CEP85L: variants seen among roughly 807,000 people sequenced by gnomAD.
CEP85L encodes centrosomal protein of 85 kDa-like.
A neutral mutation model predicts 100.3 loss-of-function variants in CEP85L; 60 were observed. The ratio of observed to expected loss-of-function variants is 0.60; its 90% CI spans 0.49 to 0.74. The LOEUF (loss-of-function observed/expected upper bound fraction) is 0.74. CEP85L is among the 30% of genes least tolerant of loss of function. The pLI is 0.00. For missense variants in CEP85L, 973 were observed against 936.2 expected (o/e 1.04, Z -0.51); for synonymous variants, 319 against 322.7 (o/e 0.99, Z 0.12).
intron 2 of CEP85L, among the ~76,000 whole-genome samples, chr6:118,574,877 T>C (rs1237332892): frequency 2.0e-5 from 3 of 152,096 alleles, no homozygotes; most frequent in Non-Finnish European, 4.4e-5. Context: ...AGGGTAGCTT[T>C]CCTGTCGAGG....
At chr6:118,558,689 GGAGA>G (rs1339733111) in intron 3 of CEP85L, 3 of 307,886 alleles carry the variant, frequency 9.7e-6, no homozygotes, top group East Asian at 1.1e-4. Context: ...AGAGAGAGAG[GGAGA>G]GAGACTATAG....
At chr6:118,606,861 C>A (rs1332715095) in intron 2 of CEP85L, among the ~76,000 whole-genome samples, 1 of 152,120 alleles carries the variant, frequency 6.6e-6, no homozygotes, top group East Asian at 1.9e-4. Context: ...TTAATCAAAA[C>A]TTTACAGAGG....
At chr6:118,627,918 T>C (rs1191891737) in intron 2 of CEP85L, among the ~76,000 whole-genome samples, 1 of 151,984 alleles carries the variant, frequency 6.6e-6, no homozygotes, top group Non-Finnish European at 1.5e-5. Flanking sequence ...TAAAGGGAAA[T>C]ACCCAACTAA....
chr6:118,668,842 G>A (rs1776210042), intron 1 of CEP85L, among the ~76,000 whole-genome samples: 1 of 152,126 alleles, frequency 6.6e-6, no homozygotes, highest in Non-Finnish European at 1.5e-5. Context: ...CATGTTGAAT[G>A]GCTGCTTCTT....
chr6:118,663,605 G>T (rs1254332533), intron 1 of CEP85L, among the ~76,000 whole-genome samples: 2 of 152,136 alleles, frequency 1.3e-5, no homozygotes, highest in African/African-American at 4.8e-5. Context: ...AAAATGATGA[G>T]ATGCATTCTT....
At chr6:118,560,170 T>G (rs1470216204) in intron 3 of CEP85L, 1 of 167,070 alleles carries the variant, frequency 6.0e-6, no homozygotes, top group African/African-American at 2.4e-5. Flanking sequence ...ATCTATTACA[T>G]CTACAGCTGA....
intron 1 of CEP85L, among the ~76,000 whole-genome samples, chr6:118,667,420 A>G (rs1776166949): frequency 6.6e-6 from 1 of 152,236 alleles, no homozygotes; most frequent in Non-Finnish European, 1.5e-5. Flanking sequence ...GGGCAGAAAC[A>G]TATCTCACTT....
At chr6:118,671,813 T>G (rs767183589) in intron 1 of CEP85L, among the ~76,000 whole-genome samples, 2 of 152,082 alleles carry the variant, frequency 1.3e-5, no homozygotes, top group Non-Finnish European at 1.5e-5. Context: ...TGGCCTGTGC[T>G]TGTGATCCCA....
intron 6 of CEP85L, among the ~76,000 whole-genome samples, chr6:118,489,984 T>TACACACACACACGC (rs1280114818): frequency 6.6e-6 from 1 of 150,600 alleles, no homozygotes; most frequent in East Asian, 1.9e-4. Context: ...TGTATATATA[T>TACACACACACACGC]ACACACACAC....
chr6:118,645,967 C>A (rs1184983717), intron 1 of CEP85L, among the ~76,000 whole-genome samples: 6 of 152,178 alleles, frequency 3.9e-5, no homozygotes, highest in Admixed American at 2.0e-4. Context: ...CGCCTTAATC[C>A]CAGCACTTTG....
At chr6:118,612,406 C>G (rs1279880936) in intron 2 of CEP85L, among the ~76,000 whole-genome samples, 1 of 151,578 alleles carries the variant, frequency 6.6e-6, no homozygotes, top group Non-Finnish European at 1.5e-5. Flanking sequence ...ACCTATAATC[C>G]CGGCACTTTG....
Position 118,578,558 on chromosome 6 carries a change from G to A in CEP85L, c.233-12242C>T, listed in dbSNP as rs557027160. Reference sequence around the variant, plus strand: ...CATCCCAGCCAACATGGTGAAACTTGTCTCTACTAAAAATACAAAAATTAG... The same window carrying A: ...CATCCCAGCCAACATGGTGAAACTTATCTCTACTAAAAATACAAAAATTAG... On this transcript the variant is annotated intron_variant, in intron 2 of 12. Transcript: ENST00000368491. Among the ~76,000 whole-genome samples, 8 of 152,044 alleles carry A rather than the reference G, an allele frequency of 5.3e-5. No homozygotes were observed. The East Asian group carries it at 1.6e-3, about 29-fold the overall frequency.
intron 1 of CEP85L, among the ~76,000 whole-genome samples, chr6:118,693,969 G>A (rs1473888993): frequency 6.6e-6 from 1 of 152,100 alleles, no homozygotes; most frequent in Non-Finnish European, 1.5e-5. Context: ...GGGCTTCTGG[G>A]GTGAATGGTG....
chr6:118,653,722 T>C (rs1775675116), upstream of CEP85L, among the ~76,000 whole-genome samples: 1 of 151,000 alleles, frequency 6.6e-6, no homozygotes, highest in Non-Finnish European at 1.5e-5. Flanking sequence ...TGTGCAGATA[T>C]AAGTAATGAA....
At chr6:118,556,324 G>A (rs918185076) in intron 3 of CEP85L, among the ~76,000 whole-genome samples, 4 of 152,130 alleles carry the variant, frequency 2.6e-5, no homozygotes, top group African/African-American at 7.2e-5. Context: ...AACTCTTTAA[G>A]GAAAGAAAAT....
intron 2 of CEP85L, among the ~76,000 whole-genome samples, chr6:118,567,245 GTGTGTATATATA>G (rs1481102526): frequency 9.5e-5 from 3 of 31,636 alleles, no homozygotes; most frequent in South Asian, 7.8e-4. Flanking sequence ...GTGTGTGTGT[GTGTGTATATATA>G]TATATATATA....
At chr6:118,629,710 G>A (rs537458987) in intron 2 of CEP85L, among the ~76,000 whole-genome samples, 6 of 152,214 alleles carry the variant, frequency 3.9e-5, no homozygotes, top group Non-Finnish European at 2.9e-5. Flanking sequence ...AAGTATTTAG[G>A]CAAGAGAGTT....
chr6:118,709,963 T>C (rs531319443), intron 1 of CEP85L: 1 of 151,910 alleles, frequency 6.6e-6, no homozygotes, highest in African/African-American at 2.4e-5. Context: ...TAAAAATAAA[T>C]CAGGGTGTAG....
In CEP85L at chr6:118,532,305, G is replaced by A. The variant is rs561777591; in HGVS notation, c.1021-8385C>T. 3.9e-4 allele frequency among the ~76,000 whole-genome samples: 59 copies of A among 152,024 alleles called. 1 individual carries two copies. In the South Asian group the frequency reaches 0.012, roughly 31 times the overall value. On this transcript the variant is annotated intron_variant, in intron 3 of 12. Transcript: ENST00000368491. ...CACTTAAAAGTGGGAGCTAAACATC[G>A]AATACACATGGATACAAAGAAAGGA...
Sources: allele counts gnomAD v4.1 joint callset (sites outside exome capture counted in the v4.1 genomes callset), GRCh38; gene constraint gnomAD v4.1.1; transcripts MANE v1.5; gene names NCBI Gene and HGNC (gene_info 2026-07-23, HGNC 2026-07-21).